The following DRAM1 variants were observed in gnomAD, a reference collection of about 807,000 sequenced individuals.
DRAM1 encodes DNA damage regulated autophagy modulator 1, also known as DNA damage-regulated autophagy modulator protein 1.
A neutral mutation model predicts 28.5 loss-of-function variants in DRAM1; 25 were observed. That is an observed-to-expected ratio of 0.88 (90% confidence interval 0.64 to 1.23). The LOEUF is 1.23. Ranked by LOEUF, DRAM1 falls within the 50% of genes most tolerant of loss-of-function variation. The pLI is 0.00. For missense variants in DRAM1, 249 were observed against 299.2 expected (o/e 0.83, Z 1.24); for synonymous variants, 113 against 114.2 (o/e 0.99, Z 0.07).
At chr12:101,906,481 G>A (rs938842328) in intron 3 of DRAM1, among the ~76,000 whole-genome samples, 1 of 152,196 alleles carries the variant, frequency 6.6e-6, no homozygotes, top group Non-Finnish European at 1.5e-5. Context: ...TGCAAAGCTT[G>A]CATGTTCAAG....
At chr12:101,914,640 G>A (rs1874166452) in intron 5 of DRAM1, among the ~76,000 whole-genome samples, 2 of 151,266 alleles carry the variant, frequency 1.3e-5, no homozygotes, top group South Asian at 4.2e-4. Flanking sequence ...CTGCCACAAG[G>A]CCCAGCTAAT....
rs138539444 is a variant in DRAM1, at chr12:101,888,947, G to A, written c.132-8916G>A. On this transcript the variant is annotated intron_variant, in intron 1 of 6. Transcript: ENST00000258534. ...AGCCTCCCAAGTAGCTAGGACTACA[G>A]GAACATGTCACCATGCTTGGCTAAT... Among the ~76,000 whole-genome samples the A allele has an allele frequency of 1.3e-3, 200 of 151,832 alleles. 2 individuals carry two copies. The highest frequency in any genetic ancestry group is 4.1e-3 in the African/African-American group (170 of 41,372).
intron 2 of DRAM1, among the ~76,000 whole-genome samples, chr12:101,900,150 A>T (rs541919376): frequency 3.8e-4 from 58 of 152,348 alleles, no homozygotes; most frequent in African/African-American, 1.3e-3. Context: ...TTGCCAAATT[A>T]CAACAAATGG....
intron 1 of DRAM1, among the ~76,000 whole-genome samples, chr12:101,878,967 C>A (rs149822326): frequency 6.6e-6 from 1 of 151,370 alleles, no homozygotes; most frequent in Non-Finnish European, 1.5e-5. Flanking sequence ...AAACAAAGAT[C>A]GAGCAAGAGG....
chr12:101,915,802 T>C (rs990231841), intron 5 of DRAM1, among the ~76,000 whole-genome samples: 6 of 151,752 alleles, frequency 4.0e-5, no homozygotes, highest in East Asian at 1.9e-4. Context: ...CCTCGTGATC[T>C]GCCCTCCTTG....
intron 1 of DRAM1, among the ~76,000 whole-genome samples, chr12:101,888,395 T>G (rs1304811509): frequency 6.6e-6 from 1 of 152,104 alleles, no homozygotes; most frequent in Non-Finnish European, 1.5e-5. Flanking sequence ...CCTCCCGAAG[T>G]GCTAGGATTA....
intron 1 of DRAM1, among the ~76,000 whole-genome samples, chr12:101,889,906 C>T (rs867338247): frequency 7.1e-6 from 1 of 140,522 alleles, no homozygotes; most frequent in Non-Finnish European, 1.5e-5. Context: ...TGCCACTACA[C>T]TCCAGCCTGG....
intron 1 of DRAM1, among the ~76,000 whole-genome samples, chr12:101,884,218 T>C (rs962770466): frequency 1.6e-4 from 25 of 151,724 alleles, no homozygotes; most frequent in Admixed American, 1.6e-3. Context: ...TGCAACCCTG[T>C]CTCTACAATA....
chr12:101,916,078 TTTATC>T (rs1874233788), intron 5 of DRAM1, among the ~76,000 whole-genome samples: 1 of 152,206 alleles, frequency 6.6e-6, no homozygotes, highest in African/African-American at 2.4e-5. Context: ...CTTCTAAGTT[TTTATC>T]TTAGGTGAAC....
intron 2 of DRAM1, among the ~76,000 whole-genome samples, chr12:101,899,534 C>T (rs1873515792): frequency 1.3e-5 from 2 of 151,874 alleles, no homozygotes; most frequent in Admixed American, 1.3e-4. Flanking sequence ...AAGAAGTTAG[C>T]TGGGTGTGGT....
chr12:101,878,987 T>G (rs1872595263), intron 1 of DRAM1, among the ~76,000 whole-genome samples: 3 of 130,342 alleles, frequency 2.3e-5, no homozygotes, highest in Admixed American at 2.3e-4. Context: ...GGGACTAGCA[T>G]TTTTTAAAAT....
At chr12:101,894,100 GTATTTATTTTATTTTT>G (rs1359113310) in intron 1 of DRAM1, among the ~76,000 whole-genome samples, 2 of 151,196 alleles carry the variant, frequency 1.3e-5, no homozygotes, top group African/African-American at 4.9e-5. Context: ...CTGGCTTTTT[GTATTTATTTTATTTTT>G]TATTTATTTT....
At chr12:101,913,216 C>T (rs1874108025) in intron 4 of DRAM1, among the ~76,000 whole-genome samples, 1 of 152,108 alleles carries the variant, frequency 6.6e-6, no homozygotes, top group Non-Finnish European at 1.5e-5. Flanking sequence ...TGTCAGTCAT[C>T]CCTGAAGTCT....
At chr12:101,901,547 AG>A (rs1873605962) in intron 3 of DRAM1, 114 bp downstream of exon 3, 2 of 1,283,018 alleles carry the variant, frequency 1.6e-6, no homozygotes, top group Non-Finnish European at 2.1e-6. Context: ...ATGCTTGATG[AG>A]TTTACAATAA....
chr12:101,894,174 A>G (rs1278194049), intron 1 of DRAM1, among the ~76,000 whole-genome samples: 1 of 151,756 alleles, frequency 6.6e-6, no homozygotes, highest in Non-Finnish European at 1.5e-5. Context: ...CTGGAGTGCA[A>G]TGGCATGATC....
chr12:101,914,485 C>CTTTTTT (rs553791665), intron 5 of DRAM1, among the ~76,000 whole-genome samples: 2 of 137,456 alleles, frequency 1.5e-5, no homozygotes, highest in African/African-American at 2.8e-5. Flanking sequence ...TCTTCTTCTT[C>CTTTTTT]TTTTTTTTTT....
In DRAM1 at chr12:101,923,134, A is replaced by C. The variant is rs544308889; in HGVS notation, c.*1874A>C. ...TAAATGAATAAAGAGAATGCTAATCATTTCTGGGTTCACTGCGACTCACTG... is the reference window on the plus strand; with the variant it reads ...TAAATGAATAAAGAGAATGCTAATCCTTTCTGGGTTCACTGCGACTCACTG... On this transcript the variant is annotated 3_prime_UTR_variant, in exon 7 of 7. Transcript: ENST00000258534. 2.6e-4 allele frequency: 40 copies of C among 152,220 alleles called. No individual in the cohort carries two copies. Among genetic ancestry groups the C allele is most frequent in the African/African-American group, 9.2e-4 (38 of 41,504 alleles). 9.4% of individuals were successfully genotyped at this position (152,220 alleles called of 1,614,324 possible). A position where few individuals can be genotyped will look rare whatever the true frequency, so the allele number is the denominator to read the frequency against.
chr12:101,896,613 A>G (rs1451197681), intron 1 of DRAM1, among the ~76,000 whole-genome samples: 2 of 152,178 alleles, frequency 1.3e-5, no homozygotes, highest in Admixed American at 6.6e-5. Context: ...AATAAAAAAA[A>G]AGAACATGTC....
At chr12:101,900,723 C>T (rs7305951) in intron 2 of DRAM1, among the ~76,000 whole-genome samples, 77,452 of 151,444 alleles carry the variant, frequency 0.51, 20,227 homozygotes, top group East Asian at 0.63. Context: ...AAATCGTCAA[C>T]GGGCTGGAGC....
Sources: gnomAD v4.1 joint callset for allele counts (sites outside exome capture counted in the v4.1 genomes callset) on GRCh38, gnomAD v4.1.1 for gene constraint, MANE v1.5 for transcripts, NCBI Gene and HGNC (gene_info 2026-07-23, HGNC 2026-07-21) for gene names.